The following ZBP1 variants were observed in gnomAD, a reference collection of about 807,000 sequenced individuals.
ZBP1 encodes the protein Z-DNA-binding protein 1.
Under a neutral mutation model 41.1 loss-of-function variants are expected in ZBP1, and 42 were observed. The observed-to-expected ratio is 1.02, with a 90% confidence interval of 0.80 to 1.32. The LOEUF (loss-of-function observed/expected upper bound fraction) is 1.32, where lower values mean the gene tolerates loss of function less well. Ranked by LOEUF, ZBP1 falls within the 40% of genes most tolerant of loss-of-function variation. The pLI is 0.00. For synonymous variants in ZBP1, 214 were observed against 205.2 expected (o/e 1.04, Z -0.37); for missense variants, 562 against 549.7 (o/e 1.02, Z -0.22).
At chr20:57,616,636 C>T (rs1436819313) in intron 1 of ZBP1, 168 bp from the exon 2 acceptor site, 9 of 655,008 alleles carry the variant, frequency 1.4e-5, no homozygotes, top group East Asian at 2.7e-5. Flanking sequence ...AGTAGGGCAG[C>T]TGCATCTGCC....
chr20:57,613,853 C>T lies in ZBP1; in HGVS notation c.503-523G>A, dbSNP rs189545779. On this transcript the variant is annotated intron_variant, in intron 4 of 7. Transcript: ENST00000371173. This position sits in a 1 kb window ranked among gnomAD's most constrained non-coding sequence, Gnocchi z 4.5. ...GGATGCTGAGACCCCCTCGGGCACCCGTCATGAGTAGCAGAGTCAGCCCTG... is the reference window on the plus strand; with the variant it reads ...GGATGCTGAGACCCCCTCGGGCACCTGTCATGAGTAGCAGAGTCAGCCCTG... 2.9e-4 allele frequency among the ~76,000 whole-genome samples: 44 copies of T among 152,332 alleles called. No individual in the cohort carries two copies. In the East Asian group the frequency reaches 6.5e-3, roughly 23 times the overall value.
chr20:57,605,473 G>T (rs573575350), intron 7 of ZBP1, among the ~76,000 whole-genome samples: 21 of 152,262 alleles, frequency 1.4e-4, no homozygotes, highest in Admixed American at 1.0e-3. Context: ...TATTATAATT[G>T]CTTTGCTTTG....
intron 7 of ZBP1, among the ~76,000 whole-genome samples, chr20:57,608,688 G>C (rs1368354037): frequency 6.6e-6 from 1 of 152,258 alleles, no homozygotes. Flanking sequence ...CCGTTCTGCA[G>C]GTGTCACATG....
intron 1 of ZBP1, 99 bp from the exon 2 acceptor site, chr20:57,616,567 T>A: frequency 7.9e-7 from 1 of 1,264,738 alleles, no homozygotes; most frequent in South Asian, 1.3e-5. Context: ...AGGCCCCTTT[T>A]TGAGAGGGGT....
At chr20:57,607,121 G>A (rs1720113934) in intron 7 of ZBP1, 17 of 1,304,270 alleles carry the variant, frequency 1.3e-5, no homozygotes, top group Non-Finnish European at 1.7e-5. Context: ...TTCCTCAGAT[G>A]GATCTGGGCA....
chr20:57,613,275 G>C lies in ZBP1; in HGVS notation c.558C>G (p.Ile186Met). The change falls in exon 5 of 8, where the codon ATC becomes ATG. Residue 186 changes from isoleucine (I) to methionine (M), a missense_variant. Physicochemically the swap from Ile to Met is conservative, Grantham distance 10. Coordinates refer to ENST00000371173, the MANE Select transcript of ZBP1 (RefSeq NM_030776.3). The surrounding 1 kb of genome is among the most constrained non-coding windows in gnomAD (Gnocchi z 4.5). ...TGGGTCCATTCTGGCAGATCATGTT[G>C]ATTGGATTGTGCTGGTAAATAATTG... ...SASIIYQHNP[I>M]NMICQNGPNS... is the part of the protein sequence containing the mutation. 6.2e-7 allele frequency: 1 copy of C among 1,614,256 alleles called. No homozygotes were observed.
Position 57,616,224 on chromosome 20 carries a change from C to T in ZBP1, c.259+20G>A. 1 of 1,613,228 alleles carries T rather than the reference C, an allele frequency of 6.2e-7. No homozygotes were observed. The highest frequency in any genetic ancestry group is 8.5e-7 in the Non-Finnish European group (1 of 1,179,200). On this transcript the variant is annotated intron_variant, in intron 2 of 7. Coordinates refer to ENST00000371173, the MANE Select transcript of ZBP1 (RefSeq NM_030776.3). ...ATGCTCCCTGCAGGGTCAGACCCGC[C>T]TCCCCGGGGTGGCAGTTACCAGGGC...
In ZBP1 at chr20:57,604,108, A is replaced by G. The variant is rs753045656; in HGVS notation, c.*465T>C. The stretch of plus-strand genomic sequence containing the variant: ...CAGGACGGTCTGGATTTCCTGACCT[A>G]TTGATCCGCCCGCCTCGGCCTCCCA... On this transcript the variant is annotated 3_prime_UTR_variant, in exon 8 of 8. Coordinates refer to ENST00000371173, the MANE Select transcript of ZBP1 (RefSeq NM_030776.3). 7.2e-5 allele frequency: 20 copies of G among 279,378 alleles called. No individual in the cohort carries two copies. Among genetic ancestry groups the G allele is most frequent in the African/African-American group, 1.1e-4 (5 of 44,322 alleles). 17.3% of individuals were successfully genotyped at this position (279,378 alleles called of 1,614,324 possible).
chr20:57,620,103 TG>T, intron 1 of ZBP1, 158 bp downstream of exon 1: 1 of 838,802 alleles, frequency 1.2e-6, no homozygotes, highest in Non-Finnish European at 1.9e-6. Context: ...CCCAAAGTGC[TG>T]GGATTACAGG....
chr20:57,608,779 G>A (rs1387487301), intron 7 of ZBP1, among the ~76,000 whole-genome samples: 1 of 152,228 alleles, frequency 6.6e-6, no homozygotes, highest in African/African-American at 2.4e-5. Flanking sequence ...GGGACAGCAA[G>A]GACACGGCCC....
rs928800684 is a variant in ZBP1 at position 57,614,072 on chromosome 20, T to C, written c.503-742A>G. 9.2e-5 allele frequency among the ~76,000 whole-genome samples: 14 copies of C among 152,234 alleles called. No homozygotes were observed. In the East Asian group the frequency reaches 9.6e-4, roughly 10 times the overall value. Reference sequence around the variant, plus strand: ...TTTGGGGGACAGAGTTTTGCTTTTGTTGCCCAGGCTGGAGTGCAATGGCGC... The same window carrying C: ...TTTGGGGGACAGAGTTTTGCTTTTGCTGCCCAGGCTGGAGTGCAATGGCGC... On this transcript the variant is annotated intron_variant, in intron 4 of 7. Coordinates refer to ENST00000371173, the MANE Select transcript of ZBP1 (RefSeq NM_030776.3).
chr20:57,606,929 G>T (rs538166325), intron 7 of ZBP1: 19 of 1,130,856 alleles, frequency 1.7e-5, no homozygotes, highest in Non-Finnish European at 2.1e-5. Flanking sequence ...TTTACTACTC[G>T]TTGACAATGC....
chr20:57,604,363 C>G lies in ZBP1; in HGVS notation c.*210G>C, dbSNP rs748985643. On this transcript the variant is annotated 3_prime_UTR_variant, in exon 8 of 8. Transcript: ENST00000371173. ...TTGGCACACCAAAGGTTCCCCAAGG[C>G]AACTCCCTGTCATCTACTCCTGGCC... The G allele has an allele frequency of 2.3e-5, 16 of 701,824 alleles. No homozygotes were observed. The highest frequency in any genetic ancestry group is 2.2e-4 in the South Asian group (15 of 67,078). The allele number at this position is 701,824 out of a possible 1,614,324, so 43.5% of individuals were successfully genotyped here. A position where few individuals can be genotyped will look rare whatever the true frequency, so the allele number is the denominator to read the frequency against.
chr20:57,612,104 T>TG (rs2070690994), intron 5 of ZBP1, among the ~76,000 whole-genome samples, 174 bp from the exon 6 acceptor site: 1 of 152,144 alleles, frequency 6.6e-6, no homozygotes, highest in Non-Finnish European at 1.5e-5. Flanking sequence ...TAGCTCATTT[T>TG]GGGGCTCCCT....
In ZBP1 at chr20:57,613,750, T is replaced by C. The variant is rs992688614; in HGVS notation, c.503-420A>G. On this transcript the variant is annotated intron_variant, in intron 4 of 7. Transcript: ENST00000371173. The surrounding 1 kb of genome is among the most constrained non-coding windows in gnomAD (Gnocchi z 4.5). ...TCGGTCGTGTTTGGCTCCCATGACA[T>C]TTTCAATATTTGAATTTGTCACTAG... Among the ~76,000 whole-genome samples the C allele has an allele frequency of 3.9e-5, 6 of 152,340 alleles. No homozygotes were observed. The highest frequency in any genetic ancestry group is 8.8e-5 in the Non-Finnish European group (6 of 68,032).
In ZBP1 at chr20:57,616,910, C is replaced by T. The variant is rs999999777; in HGVS notation, c.35-442G>A. 23 of 208,328 alleles carry T rather than the reference C, an allele frequency of 1.1e-4. 1 individual carries two copies. The highest frequency in any genetic ancestry group is 4.2e-4 in the African/African-American group (18 of 43,312). The allele number at this position is 208,328 out of a possible 1,614,324, so 12.9% of individuals were successfully genotyped here. On this transcript the variant is annotated intron_variant, in intron 1 of 7. Coordinates refer to ENST00000371173, the MANE Select transcript of ZBP1 (RefSeq NM_030776.3). ...ACCTGATGCCCATCGCCATCCTCCCCGGGAGTGCCCTCCTCTCAGCTCACC... is the reference window on the plus strand; with the variant it reads ...ACCTGATGCCCATCGCCATCCTCCCTGGGAGTGCCCTCCTCTCAGCTCACC...
chr20:57,611,675 G>A (rs936762308), intron 6 of ZBP1, 52 bp downstream of exon 6: 2 of 1,551,228 alleles, frequency 1.3e-6, no homozygotes, highest in African/African-American at 1.4e-5. Flanking sequence ...GTTCCTTCCA[G>A]TGAGGACCCA....
At chr20:57,604,803 G>C in intron 7 of ZBP1, 34 bp from the exon 8 acceptor site, 1 of 1,596,662 alleles carries the variant, frequency 6.3e-7, no homozygotes, top group Non-Finnish European at 8.6e-7. Flanking sequence ...CAGCTTCATG[G>C]GCACGTGGCC....
intron 2 of ZBP1, 73 bp from the exon 3 acceptor site, chr20:57,615,653 G>T: frequency 7.2e-7 from 1 of 1,396,200 alleles, no homozygotes; most frequent in Non-Finnish European, 9.9e-7. Flanking sequence ...ACAAAGGTGG[G>T]CAGCTCCCTA....
Sources: allele counts gnomAD v4.1 joint callset (sites outside exome capture counted in the v4.1 genomes callset), GRCh38; gene constraint gnomAD v4.1.1; non-coding constraint Gnocchi (gnomAD v3.1); transcripts MANE v1.5; gene names NCBI Gene and HGNC (gene_info 2026-07-23, HGNC 2026-07-21).